The following TMEM131L variants were observed in gnomAD, a reference collection of about 807,000 sequenced individuals.
TMEM131L encodes the protein transmembrane 131 like, also known as transmembrane protein 131-like.
Under a neutral mutation model 192.2 loss-of-function variants are expected in TMEM131L, and 54 were observed. The ratio of observed to expected loss-of-function variants is 0.28; its 90% CI spans 0.23 to 0.35. The LOEUF is 0.35. Ranked by LOEUF, TMEM131L falls within the 10% of genes least tolerant of loss-of-function variation. The probability of loss-of-function intolerance (pLI) is 1.00; values close to 1 mark genes in which losing one functional copy is unlikely to be tolerated. For synonymous variants in TMEM131L, 701 were observed against 704.9 expected, an observed-to-expected ratio of 0.99 and a Z score of 0.09; for missense variants, 1,888 against 1,972.9, an observed-to-expected ratio of 0.96 and a Z score of 0.82.
chr4:153,569,275 C>A (rs142366825), intron 7 of TMEM131L, among the ~76,000 whole-genome samples: 1 of 152,310 alleles, frequency 6.6e-6, no homozygotes, highest in Non-Finnish European at 1.5e-5. Flanking sequence ...CCTTCTTGGA[C>A]CTGTTCCTCC....
intron 3 of TMEM131L, among the ~76,000 whole-genome samples, chr4:153,530,934 G>A (rs1170927416): frequency 6.6e-6 from 1 of 152,154 alleles, no homozygotes; most frequent in East Asian, 1.9e-4. Context: ...ACTCTTCAGT[G>A]ATTTTATAAG....
chr4:153,598,482 CA>C (rs1578833847), intron 20 of TMEM131L, 107 bp from the exon 21 acceptor site: 1 of 1,047,526 alleles, frequency 9.5e-7, no homozygotes, highest in Non-Finnish European at 1.4e-6. Flanking sequence ...TTTAAAACTT[CA>C]AAAAAGTTTA....
intron 7 of TMEM131L, among the ~76,000 whole-genome samples, chr4:153,559,665 C>T (rs1288571041): frequency 6.6e-6 from 1 of 152,148 alleles, no homozygotes; most frequent in African/African-American, 2.4e-5. Context: ...CCCTTTACCA[C>T]ACCCAGGACA....
intron 30 of TMEM131L, 137 bp from the exon 31 acceptor site, chr4:153,627,468 T>G (rs2126835650): frequency 1.6e-6 from 1 of 619,456 alleles, no homozygotes; most frequent in Non-Finnish European, 2.9e-6. Flanking sequence ...ATCCTTTATA[T>G]CTGTATGTTT....
intron 7 of TMEM131L, among the ~76,000 whole-genome samples, chr4:153,563,546 C>A (rs181819602): frequency 3.6e-5 from 5 of 139,078 alleles, no homozygotes; most frequent in African/African-American, 1.1e-4. Context: ...CAGCTCACTG[C>A]GACTTCAGCC....
At chr4:153,540,731 C>T (rs758060189) in intron 3 of TMEM131L, among the ~76,000 whole-genome samples, 1 of 152,196 alleles carries the variant, frequency 6.6e-6, no homozygotes. Context: ...GCTAGTGCAC[C>T]TTTAGGAAAC....
chr4:153,593,639 G>A (rs1428572775), intron 18 of TMEM131L, among the ~76,000 whole-genome samples, 160 bp from the exon 19 acceptor site: 1 of 151,634 alleles, frequency 6.6e-6, no homozygotes, highest in African/African-American at 2.4e-5. Context: ...TGGGAATGTG[G>A]GGTGGAATGT....
chr4:153,569,937 T>C lies in TMEM131L; in HGVS notation c.661-10889T>C, dbSNP rs369459326. ...ACATGAAAGTTCAAGGCTATGGTAG[T>C]GTATCCAGTTATCTTGGCCTGTGAG... On this transcript the variant is annotated intron_variant, in intron 7 of 34. Coordinates refer to ENST00000409959, the MANE Select transcript of TMEM131L (RefSeq NM_001131007.2). Among the ~76,000 whole-genome samples, 38 of 152,386 alleles carry C rather than the reference T, an allele frequency of 2.5e-4. No individual in the cohort carries two copies. In the East Asian group the frequency reaches 6.7e-3, roughly 27 times the overall value.
At position 153,473,827 on chromosome 4, in the gene TMEM131L, C is replaced by G; in HGVS notation, c.196-18C>G. 1 of 1,538,328 alleles carries G rather than the reference C, an allele frequency of 6.5e-7. No individual in the cohort carries two copies. Among genetic ancestry groups the G allele is most frequent in the Non-Finnish European group, 8.8e-7 (1 of 1,140,172 alleles). ...GAACAAACAGAAACAACGGTTAACACATGTTCTTTTTCAATAGGGTGATTC... is the reference window on the plus strand; with the variant it reads ...GAACAAACAGAAACAACGGTTAACAGATGTTCTTTTTCAATAGGGTGATTC... On this transcript the variant is annotated intron_variant, in intron 2 of 34. Coordinates refer to ENST00000409959, the MANE Select transcript of TMEM131L (RefSeq NM_001131007.2).
chr4:153,556,249 G>A (rs1157677455), intron 5 of TMEM131L, among the ~76,000 whole-genome samples: 1 of 152,016 alleles, frequency 6.6e-6, no homozygotes, highest in Non-Finnish European at 1.5e-5. Flanking sequence ...AAATTCTGAG[G>A]CATTTAGTAA....
At chr4:153,504,229 A>G (rs1271536523) in intron 3 of TMEM131L, among the ~76,000 whole-genome samples, 1 of 142,772 alleles carries the variant, frequency 7.0e-6, no homozygotes, top group South Asian at 2.2e-4. Flanking sequence ...GGCCTCCCAA[A>G]GTGCTGGGAT....
chr4:153,610,229 C>A (rs928857656), intron 25 of TMEM131L, among the ~76,000 whole-genome samples: 2 of 152,130 alleles, frequency 1.3e-5, no homozygotes, highest in Non-Finnish European at 2.9e-5. Flanking sequence ...CAGAAATTCC[C>A]GGGAAATAGC....
rs1325957348 is a variant in TMEM131L at position 153,555,097 on chromosome 4, G to T, written c.309-690G>T. Among the ~76,000 whole-genome samples the T allele has an allele frequency of 6.6e-6, 1 of 152,204 alleles. No homozygotes were observed. The highest frequency in any genetic ancestry group is 1.5e-5 in the Non-Finnish European group (1 of 68,046). ...GGGAAGAGCCAGAGCTTTCATCAGAGTTTTTGGAAAGGCTCATAATTTAAA... is the reference window on the plus strand; with the variant it reads ...GGGAAGAGCCAGAGCTTTCATCAGATTTTTTGGAAAGGCTCATAATTTAAA... On this transcript the variant is annotated intron_variant, in intron 4 of 34. Coordinates refer to ENST00000409959, the MANE Select transcript of TMEM131L (RefSeq NM_001131007.2). This position sits in a 1 kb window ranked among gnomAD's most constrained non-coding sequence, Gnocchi z 4.1.
chr4:153,533,096 C>T lies in TMEM131L; in HGVS notation c.240-16977C>T, dbSNP rs528596061. 2.3e-4 allele frequency among the ~76,000 whole-genome samples: 34 copies of T among 150,670 alleles called. No individual in the cohort carries two copies. In the South Asian group the frequency reaches 6.7e-3, roughly 30 times the overall value. Reference sequence around the variant, plus strand: ...CTGTCTCCCGGGTTCAAGCAATTTTCCTGCCTCAGCTTCCCAAGTAGCTGG... The same window carrying T: ...CTGTCTCCCGGGTTCAAGCAATTTTTCTGCCTCAGCTTCCCAAGTAGCTGG... On this transcript the variant is annotated intron_variant, in intron 3 of 34. Transcript: ENST00000409959.
At chr4:153,480,360 A>G (rs1263749426) in intron 3 of TMEM131L, among the ~76,000 whole-genome samples, 1 of 151,644 alleles carries the variant, frequency 6.6e-6, no homozygotes, top group Non-Finnish European at 1.5e-5. Context: ...AAACAAAACA[A>G]AAACCAAAAA....
In TMEM131L at chr4:153,494,230, C is replaced by T. The variant is rs527562812; in HGVS notation, c.239+20342C>T. 7.3e-4 allele frequency among the ~76,000 whole-genome samples: 111 copies of T among 152,096 alleles called. 1 individual carries two copies. The South Asian group carries it at 0.013, about 18-fold the overall frequency. On this transcript the variant is annotated intron_variant, in intron 3 of 34. Coordinates refer to ENST00000409959, the MANE Select transcript of TMEM131L (RefSeq NM_001131007.2). The stretch of plus-strand genomic sequence containing the variant: ...TTGGCATCGCATATCAAGGTGTGTG[C>T]GTGCTTTAGCGAAATTCCATTCTTA...
At chr4:153,520,720 G>A (rs550779410) in intron 3 of TMEM131L, among the ~76,000 whole-genome samples, 1 of 152,296 alleles carries the variant, frequency 6.6e-6, no homozygotes, top group African/African-American at 2.4e-5. Flanking sequence ...ATAACTGAGC[G>A]GGTTTAGTGA....
At chr4:153,508,014 T>G (rs1350424662) in intron 3 of TMEM131L, among the ~76,000 whole-genome samples, 2 of 152,080 alleles carry the variant, frequency 1.3e-5, no homozygotes, top group East Asian at 3.8e-4. Flanking sequence ...AGGAGACTGA[T>G]TAGAATGTGA....
At chr4:153,528,520 T>G (rs1396277868) in intron 3 of TMEM131L, among the ~76,000 whole-genome samples, 1 of 152,172 alleles carries the variant, frequency 6.6e-6, no homozygotes, top group Non-Finnish European at 1.5e-5. Context: ...AGAAAAAGTG[T>G]AAGTTCAAAA....
Sources: allele counts gnomAD v4.1 joint callset (sites outside exome capture counted in the v4.1 genomes callset), GRCh38; gene constraint gnomAD v4.1.1; non-coding constraint Gnocchi (gnomAD v3.1); transcripts MANE v1.5; gene names NCBI Gene and HGNC (gene_info 2026-07-23, HGNC 2026-07-21).